SORCS3: variants seen among roughly 807,000 people sequenced by gnomAD.
SORCS3 encodes sortilin related VPS10 domain containing receptor 3.
Under a neutral mutation model 146.3 loss-of-function variants are expected in SORCS3, and 57 were observed. The observed-to-expected ratio is 0.39, with a 90% CI of 0.31 to 0.49. The LOEUF (loss-of-function observed/expected upper bound fraction) is 0.49, where lower values mean the gene tolerates loss of function less well. Ranked by LOEUF, SORCS3 falls within the 20% of genes least tolerant of loss-of-function variation. SORCS3 has a pLI of 0.92. For missense variants in SORCS3, 1,341 were observed against 1,575.5 expected, an observed-to-expected ratio of 0.85 and a Z score of 2.52; for synonymous variants, 653 against 618.5, an observed-to-expected ratio of 1.06 and a Z score of -0.83.
At chr10:105,095,927 C>T (rs1466475470) in intron 6 of SORCS3, among the ~76,000 whole-genome samples, 4 of 152,082 alleles carry the variant, frequency 2.6e-5, no homozygotes, top group African/African-American at 9.7e-5. Flanking sequence ...AAATATTGCT[C>T]TATGTAGTTC....
chr10:105,082,347 A>G (rs1431101509), intron 5 of SORCS3, among the ~76,000 whole-genome samples: 1 of 152,102 alleles, frequency 6.6e-6, no homozygotes, highest in East Asian at 1.9e-4. Context: ...ATGTAGAAGT[A>G]TCAGTCGGGG....
intron 3 of SORCS3, 87 bp downstream of exon 3, chr10:104,916,019 T>A: frequency 1.1e-6 from 1 of 939,590 alleles, no homozygotes; most frequent in Non-Finnish European, 1.7e-6. Context: ...AACTCAGTTG[T>A]CATTGAATCA....
At chr10:105,216,890 C>T in intron 18 of SORCS3, 46 bp from the exon 19 acceptor site, 1 of 1,598,272 alleles carries the variant, frequency 6.3e-7, no homozygotes, top group South Asian at 1.1e-5. Flanking sequence ...AGATAGGAGT[C>T]TGGCTGGACC....
At chr10:104,968,246 G>A (rs1224851773) in intron 3 of SORCS3, among the ~76,000 whole-genome samples, 1 of 152,106 alleles carries the variant, frequency 6.6e-6, no homozygotes, top group African/African-American at 2.4e-5. Flanking sequence ...CTCCTGAATA[G>A]CTGGGATTAC....
intron 5 of SORCS3, among the ~76,000 whole-genome samples, chr10:105,050,173 T>C (rs981600997): frequency 1.3e-5 from 2 of 152,108 alleles, no homozygotes; most frequent in African/African-American, 4.8e-5. Flanking sequence ...TATTTACTTC[T>C]TCCTTTTGGG....
At chr10:104,990,370 T>C (rs1405575371) in intron 4 of SORCS3, among the ~76,000 whole-genome samples, 1 of 152,214 alleles carries the variant, frequency 6.6e-6, no homozygotes, top group East Asian at 1.9e-4. Context: ...ATGGGTTTTA[T>C]TTTTTCATCT....
At chr10:104,718,241 G>A (rs904564026) in intron 1 of SORCS3, among the ~76,000 whole-genome samples, 1 of 152,098 alleles carries the variant, frequency 6.6e-6, no homozygotes, top group Non-Finnish European at 1.5e-5. Context: ...AAGATCAAGG[G>A]GCCCCTACCT....
intron 1 of SORCS3, among the ~76,000 whole-genome samples, chr10:104,659,288 T>C (rs1166852063): frequency 6.6e-6 from 1 of 152,178 alleles, no homozygotes; most frequent in East Asian, 1.9e-4. Flanking sequence ...AAAGAACACA[T>C]AATGACCTAA....
chr10:104,696,335 GA>G (rs1564661140), intron 1 of SORCS3, among the ~76,000 whole-genome samples: 49 of 1,802 alleles, frequency 0.027, 19 homozygotes, highest in South Asian at 0.062. Flanking sequence ...ATACACATAT[GA>G]TATATGATAT....
intron 2 of SORCS3, among the ~76,000 whole-genome samples, chr10:104,908,371 G>A (rs1282720218): frequency 6.6e-6 from 1 of 152,138 alleles, no homozygotes; most frequent in Non-Finnish European, 1.5e-5. Context: ...AAGAAAACAA[G>A]GTGATTTCCC....
rs368223115 is a variant in SORCS3 at position 105,039,850 on chromosome 10, C to T, written c.955-3205C>T. Among the ~76,000 whole-genome samples, 27 of 152,210 alleles carry T rather than the reference C, an allele frequency of 1.8e-4. No homozygotes were observed. In the East Asian group the frequency reaches 4.5e-3, roughly 25 times the overall value. ...AGAGCTCTGCCACCACCAGGTCGTC[C>T]GTGATGAAACTGATGATTTCTCTGA... On this transcript the variant is annotated intron_variant, in intron 4 of 26. Transcript: ENST00000369701.
intron 1 of SORCS3, among the ~76,000 whole-genome samples, chr10:104,690,941 G>C (rs139281276): frequency 8.3e-4 from 126 of 152,286 alleles, no homozygotes; most frequent in African/African-American, 2.4e-3. Flanking sequence ...CCTTTTGAAG[G>C]GTCCACTGGA....
intron 19 of SORCS3, among the ~76,000 whole-genome samples, chr10:105,221,886 T>A (rs1047464451): frequency 6.6e-6 from 1 of 151,654 alleles, no homozygotes; most frequent in Non-Finnish European, 1.5e-5. Flanking sequence ...GATTTGTTTA[T>A]GTAGGAAGGA....
intron 1 of SORCS3, among the ~76,000 whole-genome samples, chr10:104,686,220 G>A (rs1490025907): frequency 6.6e-6 from 1 of 152,160 alleles, no homozygotes; most frequent in Admixed American, 6.5e-5. Flanking sequence ...TCTGAGCAGG[G>A]GCCTGGCTTT....
chr10:105,004,482 C>T (rs556340346), intron 4 of SORCS3, among the ~76,000 whole-genome samples: 4 of 152,264 alleles, frequency 2.6e-5, no homozygotes, highest in African/African-American at 9.6e-5. Flanking sequence ...GGGTACCGAA[C>T]AGCTGAAGTC....
Position 104,688,780 on chromosome 10 carries a change from A to G in SORCS3, c.627+46826A>G, listed in dbSNP as rs73330356. Among the ~76,000 whole-genome samples the G allele has an allele frequency of 9.3e-3, 1,417 of 151,834 alleles. 26 individuals carry two copies. The highest frequency in any genetic ancestry group is 0.032 in the African/African-American group (1,338 of 41,384). ...CATCCTTAGTTACCTGCTGTTCCATACCCACAGACTCTATTCCCTCCACGT... is the reference window on the plus strand; with the variant it reads ...CATCCTTAGTTACCTGCTGTTCCATGCCCACAGACTCTATTCCCTCCACGT... On this transcript the variant is annotated intron_variant, in intron 1 of 26. Coordinates refer to ENST00000369701, the MANE Select transcript of SORCS3 (RefSeq NM_014978.3).
At chr10:105,046,517 T>C (rs1037714695) in intron 5 of SORCS3, among the ~76,000 whole-genome samples, 2 of 152,144 alleles carry the variant, frequency 1.3e-5, no homozygotes, top group Non-Finnish European at 2.9e-5. Context: ...GTCTCTCGTC[T>C]GTTCCGTCAT....
At chr10:104,777,123 C>T (rs1019213553) in intron 1 of SORCS3, among the ~76,000 whole-genome samples, 1 of 152,120 alleles carries the variant, frequency 6.6e-6, no homozygotes, top group African/African-American at 2.4e-5. Context: ...ATTAAGCATC[C>T]TTTTGGCCTC....
At chr10:105,021,197 T>C (rs2055195705) in intron 4 of SORCS3, among the ~76,000 whole-genome samples, 1 of 152,198 alleles carries the variant, frequency 6.6e-6, no homozygotes, top group African/African-American at 2.4e-5. Context: ...TGGTTCTAGC[T>C]GCTGGAAAGT....
Sources: allele counts gnomAD v4.1 joint callset (sites outside exome capture counted in the v4.1 genomes callset), GRCh38; gene constraint gnomAD v4.1.1; transcripts MANE v1.5; gene names NCBI Gene and HGNC (gene_info 2026-07-23, HGNC 2026-07-21).